The following CRTAC1 variants were observed in gnomAD, a reference collection of about 807,000 sequenced individuals.
CRTAC1 encodes the protein cartilage acidic protein 1, also known as acidic secreted protein in cartilage.
Under a neutral mutation model 67.8 loss-of-function variants are expected in CRTAC1, and 37 were observed. That is an observed-to-expected ratio of 0.55 (90% CI 0.42 to 0.72). The LOEUF is 0.72. Ranked by LOEUF, CRTAC1 falls within the 30% of genes least tolerant of loss-of-function variation. The pLI is 0.00. For missense variants in CRTAC1, 780 were observed against 931.6 expected (o/e 0.84, Z 2.12); for synonymous variants, 348 against 371.0 (o/e 0.94, Z 0.71).
chr10:97,946,526 C>T (rs1354849511), intron 2 of CRTAC1, among the ~76,000 whole-genome samples: 6 of 152,212 alleles, frequency 3.9e-5, no homozygotes, highest in Non-Finnish European at 4.4e-5. Flanking sequence ...GGTGGGTCAC[C>T]TGTCCATCTC....
rs182973607 is a variant in CRTAC1, at chr10:98,016,364, A to T, written c.25-5027T>A. 2.7e-3 allele frequency among the ~76,000 whole-genome samples: 417 copies of T among 152,344 alleles called. 2 individuals are homozygous for T. Among genetic ancestry groups the T allele is most frequent in the Non-Finnish European group, 5.0e-3 (341 of 68,032 alleles). On this transcript the variant is annotated intron_variant, in intron 1 of 14. Transcript: ENST00000370597. ...ATGAGTATGTCCAATTGATAACATGAATCAACAGAAACTGCTTGCAATTTG... is the reference window on the plus strand; with the variant it reads ...ATGAGTATGTCCAATTGATAACATGTATCAACAGAAACTGCTTGCAATTTG...
At chr10:97,922,991 G>A (rs1406230174) in intron 4 of CRTAC1, among the ~76,000 whole-genome samples, 2 of 152,172 alleles carry the variant, frequency 1.3e-5, no homozygotes, top group Admixed American at 1.3e-4. Context: ...GCAAGTCACT[G>A]CTCCAAGCTA....
chr10:97,926,817 G>A (rs952054536), intron 3 of CRTAC1, among the ~76,000 whole-genome samples: 1 of 152,160 alleles, frequency 6.6e-6, no homozygotes, highest in Admixed American at 6.5e-5. Context: ...CCATCATCAT[G>A]GCTGTCCTGG....
chr10:97,927,219 C>T (rs554737414), intron 3 of CRTAC1, among the ~76,000 whole-genome samples: 19 of 152,272 alleles, frequency 1.2e-4, no homozygotes, highest in African/African-American at 4.6e-4. Context: ...TCCTGTCCAT[C>T]CCGAGCAACA....
intron 2 of CRTAC1, among the ~76,000 whole-genome samples, chr10:97,988,024 C>T (rs954903524): frequency 3.6e-4 from 54 of 152,112 alleles, no homozygotes; most frequent in Non-Finnish European, 7.5e-4. Context: ...AGTTTTGGTG[C>T]CAGACTTATG....
intron 1 of CRTAC1, among the ~76,000 whole-genome samples, chr10:98,026,274 G>A (rs533922870): frequency 6.6e-6 from 1 of 152,174 alleles, no homozygotes; most frequent in African/African-American, 2.4e-5. Context: ...CCAGCAAGCG[G>A]AGACCAGATT....
At chr10:97,943,888 C>T (rs764297982) in intron 2 of CRTAC1, among the ~76,000 whole-genome samples, 1 of 152,214 alleles carries the variant, frequency 6.6e-6, no homozygotes, top group Non-Finnish European at 1.5e-5. Flanking sequence ...GATTGCCAAT[C>T]CCTGGTCTCC....
At chr10:97,906,624 C>A (rs1169981340) in intron 6 of CRTAC1, among the ~76,000 whole-genome samples, 1 of 152,154 alleles carries the variant, frequency 6.6e-6, no homozygotes, top group African/African-American at 2.4e-5. Flanking sequence ...GATTTTTCAG[C>A]AATGAGAAAA....
chr10:97,991,345 G>A (rs562586991), intron 2 of CRTAC1, among the ~76,000 whole-genome samples: 26 of 151,736 alleles, frequency 1.7e-4, no homozygotes, highest in African/African-American at 4.3e-4. Flanking sequence ...CCCAGGAGTC[G>A]GAGGTTGAAG....
intron 5 of CRTAC1, among the ~76,000 whole-genome samples, chr10:97,913,993 C>T (rs2050724617): frequency 6.6e-6 from 1 of 152,240 alleles, no homozygotes. Context: ...CCCCACCTGA[C>T]ATCATAAATC....
At chr10:97,924,263 C>G (rs2050881860) in intron 3 of CRTAC1, among the ~76,000 whole-genome samples, 1 of 152,222 alleles carries the variant, frequency 6.6e-6, no homozygotes, top group African/African-American at 2.4e-5. Context: ...CCTCCGCCAT[C>G]ATCCTTAGTT....
At chr10:97,906,068 GA>G (rs1358396408) in intron 6 of CRTAC1, among the ~76,000 whole-genome samples, 1 of 152,196 alleles carries the variant, frequency 6.6e-6, no homozygotes, top group Non-Finnish European at 1.5e-5. Flanking sequence ...AGGCAGTGGG[GA>G]TCAGAGACCC....
At chr10:97,921,679 C>T (rs1436287423) in intron 4 of CRTAC1, among the ~76,000 whole-genome samples, 2 of 152,176 alleles carry the variant, frequency 1.3e-5, no homozygotes, top group African/African-American at 4.8e-5. Flanking sequence ...CTGTCAACTT[C>T]CAGGCTGCCC....
intron 5 of CRTAC1, 115 bp from the exon 6 acceptor site, chr10:97,908,262 CTGGGGGGAAT>C: frequency 1.8e-6 from 2 of 1,135,280 alleles, no homozygotes; most frequent in Non-Finnish European, 2.5e-6. Flanking sequence ...TCAGAGGAGC[CTGGGGGGAAT>C]TCTGCTTCCC....
chr10:97,897,897 A>G (rs944303192), intron 8 of CRTAC1, among the ~76,000 whole-genome samples: 1 of 152,182 alleles, frequency 6.6e-6, no homozygotes, highest in Non-Finnish European at 1.5e-5. Context: ...GCATGTGAGA[A>G]ACACCAGAGG....
At chr10:98,025,292 G>T (rs1843205782) in intron 1 of CRTAC1, among the ~76,000 whole-genome samples, 1 of 152,156 alleles carries the variant, frequency 6.6e-6, no homozygotes, top group South Asian at 2.1e-4. Context: ...GTGCACTGTA[G>T]GATGTTCAGC....
intron 5 of CRTAC1, among the ~76,000 whole-genome samples, chr10:97,916,870 A>T (rs1403433960): frequency 6.6e-6 from 1 of 152,176 alleles, no homozygotes; most frequent in Non-Finnish European, 1.5e-5. Context: ...CTGGAATTAG[A>T]AAAACAGCCT....
Position 97,878,703 on chromosome 10 carries a change from T to C in CRTAC1, c.1819+1546A>G, listed in dbSNP as rs569030166. On this transcript the variant is annotated intron_variant, in intron 14 of 14. Transcript: ENST00000370597. ...GCAAGGTTCTTTCTAGAAATCAGAG[T>C]AACCTGAGATGAGCCAGGCCTATGT... The C allele has an allele frequency of 2.2e-4, 289 of 1,303,800 alleles. No homozygotes were observed. In the African/African-American group the frequency reaches 4.2e-3, roughly 19 times the overall value. The allele number at this position is 1,303,800 out of a possible 1,614,324, so 80.8% of individuals were successfully genotyped here.
At chr10:98,022,640 G>A (rs1009050036) in intron 1 of CRTAC1, among the ~76,000 whole-genome samples, 8 of 151,988 alleles carry the variant, frequency 5.3e-5, no homozygotes, top group African/African-American at 1.9e-4. Flanking sequence ...AGGGGAGGGT[G>A]GGGACAAGGA....
Sources: allele counts gnomAD v4.1 joint callset (sites outside exome capture counted in the v4.1 genomes callset), GRCh38; gene constraint gnomAD v4.1.1; transcripts MANE v1.5; gene names NCBI Gene and HGNC (gene_info 2026-07-23, HGNC 2026-07-21).